The following NINL variants were observed in gnomAD, a reference collection of about 807,000 sequenced individuals.
NINL encodes the protein ninein like.
NINL carries 153 observed loss-of-function variants against 160.3 expected under a neutral mutation model. The ratio of observed to expected loss-of-function variants is 0.95; its 90% CI spans 0.84 to 1.09. The LOEUF (loss-of-function observed/expected upper bound fraction) is 1.09, where lower values mean the gene tolerates loss of function less well. NINL is among the 50% of genes least tolerant of loss of function. The pLI, the probability that NINL is intolerant of heterozygous loss-of-function variation, is 0.00. For missense variants in NINL, 1,829 were observed against 1,764.0 expected (o/e 1.04, Z -0.66); for synonymous variants, 800 against 734.8 (o/e 1.09, Z -1.43).
At chr20:25,466,097 C>A (rs558255841) in intron 19 of NINL, among the ~76,000 whole-genome samples, 1 of 152,296 alleles carries the variant, frequency 6.6e-6, no homozygotes, top group South Asian at 2.1e-4. Flanking sequence ...TCTCTACTCA[C>A]TGTAGCCTCA....
chr20:25,476,622 C>T lies in NINL; in HGVS notation c.2669G>A (p.Ser890Asn), dbSNP rs1213578090. ...RQAQDTEATQ[S>N]PAPAPAPASH... ...TGCCGGGGCAGGGGCGGGGGCCGGGCTCTGCGTAGCTTCTGTGTCCTGGGC... is the reference window on the plus strand; with the variant it reads ...TGCCGGGGCAGGGGCGGGGGCCGGGTTCTGCGTAGCTTCTGTGTCCTGGGC... Residue 890 changes from serine (S) to asparagine (N), a missense_variant, in exon 17 of 24, where the codon AGC becomes AAC. Physicochemically the swap from Ser to Asn is conservative, Grantham distance 46. Transcript: ENST00000278886. The T allele has an allele frequency of 8.2e-6, 13 of 1,592,094 alleles. No homozygotes were observed. Among genetic ancestry groups the T allele is most frequent in the Middle Eastern group, 1.6e-4 (1 of 6,062 alleles).
At chr20:25,463,793 A>G (rs757754006) in intron 19 of NINL, among the ~76,000 whole-genome samples, 1 of 152,176 alleles carries the variant, frequency 6.6e-6, no homozygotes, top group Non-Finnish European at 1.5e-5. Flanking sequence ...ACGTTTTTCC[A>G]TTTGGATTTA....
intron 9 of NINL, among the ~76,000 whole-genome samples, chr20:25,497,348 G>A (rs1006051413): frequency 1.5e-4 from 23 of 152,220 alleles, no homozygotes; most frequent in Non-Finnish European, 3.1e-4. Context: ...GGTGGCACCT[G>A]CTATTCCAGT....
intron 1 of NINL, among the ~76,000 whole-genome samples, chr20:25,538,064 C>T (rs1432381798): frequency 2.0e-5 from 3 of 152,166 alleles, no homozygotes; most frequent in Non-Finnish European, 4.4e-5. Flanking sequence ...GGGTGAAAGA[C>T]ACCAGGGCGT....
intron 1 of NINL, among the ~76,000 whole-genome samples, chr20:25,573,298 A>AC (rs2065076387): frequency 1.7e-5 from 1 of 57,164 alleles, no homozygotes; most frequent in Non-Finnish European, 4.5e-5. Context: ...ACTCCATCTC[A>AC]AAAAAAAAAA....
chr20:25,568,902 C>G (rs1409981980), intron 1 of NINL, among the ~76,000 whole-genome samples: 1 of 151,504 alleles, frequency 6.6e-6, no homozygotes, highest in Admixed American at 6.6e-5. Context: ...GCCTGGGCAA[C>G]ACATTGAGAC....
intron 8 of NINL, among the ~76,000 whole-genome samples, chr20:25,498,741 C>T (rs568262849): frequency 6.6e-6 from 1 of 152,316 alleles, no homozygotes; most frequent in African/African-American, 2.4e-5. Context: ...GGATTCCCTG[C>T]GATGAGGCCT....
intron 2 of NINL, among the ~76,000 whole-genome samples, chr20:25,521,232 T>C (rs1313203465): frequency 6.6e-6 from 1 of 152,248 alleles, no homozygotes; most frequent in Non-Finnish European, 1.5e-5. Context: ...AATGCTTCTA[T>C]TTAGTTTTAA....
At chr20:25,527,778 T>C (rs2064385382) in intron 1 of NINL, among the ~76,000 whole-genome samples, 2 of 152,190 alleles carry the variant, frequency 1.3e-5, no homozygotes, top group Admixed American at 6.5e-5. Context: ...AGGAAGGAAT[T>C]GGCAAACATT....
Position 25,471,251 on chromosome 20 carries a change from G to T in NINL, c.3249-1156C>A, listed in dbSNP as rs1194312010. Among the ~76,000 whole-genome samples the T allele has an allele frequency of 5.9e-5, 9 of 152,240 alleles. 1 individual carries two copies. The highest frequency in any genetic ancestry group is 2.2e-4 in the African/African-American group (9 of 41,542). ...TCCTCTCACCTAGGCCTCCCAAAGT[G>T]CTGGGATCACAGATGTGAGCCACCA... On this transcript the variant is annotated intron_variant, in intron 17 of 23. Transcript: ENST00000278886.
intron 3 of NINL, among the ~76,000 whole-genome samples, chr20:25,517,226 A>G (rs1202080721): frequency 1.3e-5 from 2 of 152,090 alleles, no homozygotes; most frequent in African/African-American, 4.8e-5. Flanking sequence ...TGACACACTA[A>G]ATAATACCAC....
At chr20:25,483,911 G>A (rs2063451861) in intron 13 of NINL, among the ~76,000 whole-genome samples, 1 of 152,222 alleles carries the variant, frequency 6.6e-6, no homozygotes, top group African/African-American at 2.4e-5. Context: ...CAGCCTGAGT[G>A]GGACTTGTGA....
At chr20:25,574,835 A>G (rs142065022) in intron 1 of NINL, among the ~76,000 whole-genome samples, 1 of 152,228 alleles carries the variant, frequency 6.6e-6, no homozygotes, top group Non-Finnish European at 1.5e-5. Context: ...CAAAGCTCCT[A>G]GGAGTCTTCT....
chr20:25,574,075 G>A (rs111420239), intron 1 of NINL, among the ~76,000 whole-genome samples: 4,868 of 152,244 alleles, frequency 0.032, 234 homozygotes, highest in African/African-American at 0.11. Flanking sequence ...CTTCACTGAC[G>A]TCTGCGCTCA....
intron 2 of NINL, among the ~76,000 whole-genome samples, chr20:25,525,541 C>A (rs375755897): frequency 1.4e-4 from 21 of 152,234 alleles, no homozygotes; most frequent in East Asian, 9.6e-4. Context: ...GTAGTCCCAG[C>A]TACTTGGGGG....
At chr20:25,537,095 C>G (rs572409689) in intron 1 of NINL, among the ~76,000 whole-genome samples, 6 of 152,168 alleles carry the variant, frequency 3.9e-5, no homozygotes, top group African/African-American at 1.4e-4. Flanking sequence ...TTCTGACTTC[C>G]TTTGTTTTTG....
chr20:25,472,271 G>C (rs1568859237), intron 17 of NINL, among the ~76,000 whole-genome samples: 2 of 146,572 alleles, frequency 1.4e-5, no homozygotes, highest in Non-Finnish European at 3.0e-5. Context: ...GAGACATAAA[G>C]TGAAATGCTC....
chr20:25,529,886 A>C (rs1362917880), intron 1 of NINL, among the ~76,000 whole-genome samples: 1 of 152,160 alleles, frequency 6.6e-6, no homozygotes, highest in Admixed American at 6.6e-5. Context: ...CAAGTGGTAA[A>C]ATTCAGAATG....
At chr20:25,503,102 C>A (rs559845543) in intron 7 of NINL, among the ~76,000 whole-genome samples, 1 of 152,300 alleles carries the variant, frequency 6.6e-6, no homozygotes, top group Admixed American at 6.5e-5. Flanking sequence ...AAGTGGGCAC[C>A]TGAGCAGCAT....
Sources: allele counts gnomAD v4.1 joint callset (sites outside exome capture counted in the v4.1 genomes callset), GRCh38; gene constraint gnomAD v4.1.1; transcripts MANE v1.5; gene names NCBI Gene and HGNC (gene_info 2026-07-23, HGNC 2026-07-21).